Variants in RELN observed in about 807,000 individuals in gnomAD.
The protein encoded by RELN is reelin.
A neutral mutation model predicts 427.6 loss-of-function variants in RELN; 108 were observed. That is an observed-to-expected ratio of 0.25 (90% CI 0.22 to 0.30). The LOEUF is 0.30. RELN is among the 10% of genes least tolerant of loss of function. The pLI is 1.00. For synonymous variants in RELN, 1,524 were observed against 1,513.4 expected (o/e 1.01, Z -0.16); for missense variants, 3,715 against 4,302.8 (o/e 0.86, Z 3.82).
intron 12 of RELN, among the ~76,000 whole-genome samples, chr7:103,656,354 G>A (rs1474626314): frequency 6.6e-6 from 1 of 152,072 alleles, no homozygotes; most frequent in Non-Finnish European, 1.5e-5. Context: ...TGGCTTGATG[G>A]CAGAAAAGCT....
intron 64 of RELN, among the ~76,000 whole-genome samples, chr7:103,473,823 A>G (rs1409459080): frequency 6.6e-6 from 1 of 152,210 alleles, no homozygotes; most frequent in African/African-American, 2.4e-5. Flanking sequence ...ATATATCCAT[A>G]TGTGGCATCA....
chr7:103,731,631 CA>C lies in RELN; in HGVS notation c.657-3425del, dbSNP rs1790357502. Among the ~76,000 whole-genome samples, 7 of 152,064 alleles carry C rather than the reference CA, an allele frequency of 4.6e-5. No individual in the cohort carries two copies. The South Asian group carries it at 1.5e-3, about 32-fold the overall frequency. On this transcript the variant is annotated intron_variant, in intron 6 of 64. Coordinates refer to ENST00000428762, the MANE Select transcript of RELN (RefSeq NM_005045.4). The stretch of plus-strand genomic sequence containing the variant: ...TGTTTCCAAAGTCATGTGGCAAATC[CA>C]ACTTTTAGAAAAATTACTATAGCAA...
chr7:103,654,415 A>G (rs919044024), intron 12 of RELN, among the ~76,000 whole-genome samples: 4 of 152,132 alleles, frequency 2.6e-5, no homozygotes, highest in Non-Finnish European at 5.9e-5. Context: ...ACATTTGTGA[A>G]GGCCAAAGTA....
At chr7:103,939,140 G>A (rs1468187289) in intron 1 of RELN, among the ~76,000 whole-genome samples, 2 of 151,954 alleles carry the variant, frequency 1.3e-5, no homozygotes, top group East Asian at 1.9e-4. Flanking sequence ...GTAGAGACAG[G>A]GTTTCACCAT....
chr7:103,838,777 T>C (rs1444833840), intron 2 of RELN, among the ~76,000 whole-genome samples: 1 of 152,250 alleles, frequency 6.6e-6, no homozygotes, highest in Non-Finnish European at 1.5e-5. Context: ...AAATGCCTCC[T>C]GATTCCTCAA....
intron 8 of RELN, among the ~76,000 whole-genome samples, chr7:103,714,676 A>T (rs1215425106): frequency 2.0e-5 from 3 of 152,190 alleles, no homozygotes; most frequent in Non-Finnish European, 4.4e-5. Flanking sequence ...TAGCCAAAAC[A>T]GCAGCAGTTT....
At chr7:103,863,846 C>G (rs1794130241) in intron 2 of RELN, among the ~76,000 whole-genome samples, 3 of 151,702 alleles carry the variant, frequency 2.0e-5, no homozygotes, top group Admixed American at 6.6e-5. Flanking sequence ...AAAAAATCCT[C>G]TAAGTTTTGC....
intron 4 of RELN, among the ~76,000 whole-genome samples, chr7:103,765,471 T>C (rs1469706827): frequency 6.6e-6 from 1 of 152,180 alleles, no homozygotes; most frequent in African/African-American, 2.4e-5. Flanking sequence ...ATATATTAAT[T>C]AATACCAATG....
intron 2 of RELN, among the ~76,000 whole-genome samples, chr7:103,882,290 C>T (rs944387773): frequency 6.6e-6 from 1 of 152,200 alleles, no homozygotes; most frequent in African/African-American, 2.4e-5. Context: ...TGCTCTTTAA[C>T]CTCAAAATTC....
chr7:103,735,827 T>C (rs1020338350), intron 6 of RELN, among the ~76,000 whole-genome samples: 2 of 152,186 alleles, frequency 1.3e-5, no homozygotes, highest in Non-Finnish European at 2.9e-5. Flanking sequence ...AAGGAGTCAG[T>C]GTCTGACGAT....
intron 4 of RELN, 27 bp downstream of exon 4, chr7:103,776,530 C>T (rs377182360): frequency 5.2e-5 from 84 of 1,611,856 alleles, no homozygotes; most frequent in Non-Finnish European, 7.0e-5. Flanking sequence ...TTGGACATAA[C>T]ACAAACAAAT....
At chr7:103,877,151 A>G (rs1047116257) in intron 2 of RELN, among the ~76,000 whole-genome samples, 3 of 152,116 alleles carry the variant, frequency 2.0e-5, no homozygotes, top group Non-Finnish European at 4.4e-5. Context: ...AGAATTTAAC[A>G]CACACCTCAC....
At chr7:103,919,879 T>C (rs1282934218) in intron 1 of RELN, among the ~76,000 whole-genome samples, 2 of 152,182 alleles carry the variant, frequency 1.3e-5, no homozygotes, top group East Asian at 3.9e-4. Flanking sequence ...TTTTAAAAAC[T>C]GAGGTTCACA....
At chr7:103,499,390 G>A (rs1562854293) in intron 53 of RELN, among the ~76,000 whole-genome samples, 3 of 152,058 alleles carry the variant, frequency 2.0e-5, no homozygotes, top group Non-Finnish European at 4.4e-5. Flanking sequence ...TATTCATTCT[G>A]TCTACAGTAC....
At chr7:103,616,514 AT>A (rs1832082403) in intron 20 of RELN, among the ~76,000 whole-genome samples, 1 of 152,190 alleles carries the variant, frequency 6.6e-6, no homozygotes, top group African/African-American at 2.4e-5. Context: ...TAGAAATTGT[AT>A]ACTTATTGGA....
At chr7:103,787,497 G>A (rs763404006) in intron 3 of RELN, among the ~76,000 whole-genome samples, 16 of 152,166 alleles carry the variant, frequency 1.1e-4, no homozygotes, top group African/African-American at 2.4e-4. Context: ...AATGATAAAC[G>A]GGGTATCACC....
intron 7 of RELN, among the ~76,000 whole-genome samples, chr7:103,723,541 C>A (rs866972815): frequency 4.6e-5 from 7 of 152,122 alleles, no homozygotes; most frequent in African/African-American, 1.7e-4. Flanking sequence ...TCCATCCTAC[C>A]AGATCAATAG....
At chr7:103,960,948 T>C (rs1012393777) in intron 1 of RELN, among the ~76,000 whole-genome samples, 4 of 152,262 alleles carry the variant, frequency 2.6e-5, no homozygotes, top group Non-Finnish European at 4.4e-5. Context: ...CAAACTTTTA[T>C]GGATAGCTGG....
intron 63 of RELN, among the ~76,000 whole-genome samples, chr7:103,481,164 G>A (rs79975665): frequency 0.015 from 2,288 of 152,184 alleles, 70 homozygotes; most frequent in African/African-American, 0.053. Flanking sequence ...TGAACCCCTC[G>A]CCCCTGCTTT....
Sources: allele counts gnomAD v4.1 joint callset (sites outside exome capture counted in the v4.1 genomes callset), GRCh38; gene constraint gnomAD v4.1.1; transcripts MANE v1.5; gene names NCBI Gene and HGNC (gene_info 2026-07-23, HGNC 2026-07-21).